PPA2: variants seen among roughly 807,000 people sequenced by gnomAD.
PPA2 encodes inorganic pyrophosphatase 2, mitochondrial.
A neutral mutation model predicts 49.5 loss-of-function variants in PPA2; 48 were observed. The ratio of observed to expected loss-of-function variants is 0.97; its 90% CI spans 0.77 to 1.23. PPA2 has a LOEUF of 1.23. PPA2 is among the 50% of genes most tolerant of loss of function. PPA2 has a pLI of 0.00. For missense variants in PPA2, 429 were observed against 410.1 expected (o/e 1.05, Z -0.40); for synonymous variants, 131 against 139.9 (o/e 0.94, Z 0.45).
intron 4 of PPA2, 69 bp from the exon 5 acceptor site, chr4:105,446,571 C>A: frequency 8.8e-6 from 13 of 1,481,382 alleles, no homozygotes; most frequent in African/African-American, 1.4e-5. Context: ...CCAAATAGTA[C>A]TTTTAAAAAT....
Position 105,449,338 on chromosome 4 carries a change from G to A in PPA2, c.321+12C>T, listed in dbSNP as rs1356156874. On this transcript the variant is annotated intron_variant, in intron 4 of 11. Coordinates refer to ENST00000341695, the MANE Select transcript of PPA2 (RefSeq NM_176869.3). ...ATCATTTCGGTTTCATATTAATAAA[G>A]TATATCGGTACCTCCATTTTAGCAT... 8.7e-6 allele frequency: 13 copies of A among 1,492,764 alleles called. No individual in the cohort carries two copies. Among genetic ancestry groups the A allele is most frequent in the East Asian group, 7.3e-5 (3 of 41,224 alleles). 92.5% of individuals were successfully genotyped at this position (1,492,764 alleles called of 1,614,324 possible).
chr4:105,400,866 GA>G, intron 7 of PPA2, among the ~76,000 whole-genome samples: 1 of 151,992 alleles, frequency 6.6e-6, no homozygotes. Flanking sequence ...CACAAATTAG[GA>G]AAAAAACTGA....
intron 6 of PPA2, among the ~76,000 whole-genome samples, chr4:105,429,152 T>C (rs1454614942): frequency 6.6e-6 from 1 of 152,220 alleles, no homozygotes; most frequent in African/African-American, 2.4e-5. Flanking sequence ...AAACCTTTAA[T>C]TTCATTCTAC....
chr4:105,374,779 T>C (rs115986574), intron 10 of PPA2, among the ~76,000 whole-genome samples: 1 of 152,092 alleles, frequency 6.6e-6, no homozygotes, highest in Non-Finnish European at 1.5e-5. Context: ...AAAAAATAGG[T>C]TCCCAATTTT....
intron 7 of PPA2, among the ~76,000 whole-genome samples, chr4:105,403,385 C>G (rs1272409387): frequency 1.3e-5 from 2 of 152,030 alleles, no homozygotes; most frequent in African/African-American, 4.8e-5. Flanking sequence ...TAAAGAGTGT[C>G]ATAACTTCTG....
chr4:105,438,052 T>C lies in PPA2; in HGVS notation c.442-16A>G, dbSNP rs2713862. The C allele has an allele frequency of 2.3e-5, 34 of 1,499,492 alleles. No individual in the cohort carries two copies. Among genetic ancestry groups the C allele is most frequent in the African/African-American group, 4.2e-5 (3 of 71,482 alleles). 92.9% of individuals were successfully genotyped at this position (1,499,492 alleles called of 1,614,324 possible). ...CTTCCCAAGTCTAAAATTTTTTTTT[T>C]AAAAAAAAGCAGAAATGTAAGTTAA... On this transcript the variant is annotated splice_polypyrimidine_tract_variant and intron_variant, in intron 5 of 11. Coordinates refer to ENST00000341695, the MANE Select transcript of PPA2 (RefSeq NM_176869.3).
intron 1 of PPA2, among the ~76,000 whole-genome samples, chr4:105,459,297 T>C (rs1323218747): frequency 6.6e-6 from 1 of 152,192 alleles, no homozygotes. Flanking sequence ...CTTTCATATA[T>C]TACATCAGAT....
At chr4:105,447,637 A>G (rs562548071) in intron 4 of PPA2, among the ~76,000 whole-genome samples, 2 of 152,246 alleles carry the variant, frequency 1.3e-5, no homozygotes, top group African/African-American at 4.8e-5. Context: ...CCCTATAAAT[A>G]TATACGATTA....
At chr4:105,446,616 T>A (rs1302301226) in intron 4 of PPA2, 114 bp from the exon 5 acceptor site, 12 of 1,254,508 alleles carry the variant, frequency 9.6e-6, no homozygotes, top group Non-Finnish European at 1.3e-5. Context: ...ATATTTCAAC[T>A]TAATGATCAA....
intron 3 of PPA2, among the ~76,000 whole-genome samples, 199 bp downstream of exon 3, chr4:105,453,399 T>C (rs1457268503): frequency 6.6e-6 from 1 of 152,028 alleles, no homozygotes; most frequent in Non-Finnish European, 1.5e-5. Flanking sequence ...GTAAACCTTA[T>C]GTTATGAATA....
chr4:105,402,583 G>C (rs1165796390), intron 7 of PPA2, among the ~76,000 whole-genome samples: 1 of 152,152 alleles, frequency 6.6e-6, no homozygotes, highest in Non-Finnish European at 1.5e-5. Context: ...AAAACAGAAA[G>C]TATTAGGAGA....
At chr4:105,457,943 A>C (rs1447552627) in intron 1 of PPA2, among the ~76,000 whole-genome samples, 2 of 152,188 alleles carry the variant, frequency 1.3e-5, no homozygotes, top group Admixed American at 6.5e-5. Flanking sequence ...CTAATGCTGG[A>C]GCAAAGAATA....
chr4:105,464,204 G>A (rs547247494), intron 1 of PPA2, among the ~76,000 whole-genome samples: 4 of 152,362 alleles, frequency 2.6e-5, no homozygotes, highest in East Asian at 3.9e-4. Flanking sequence ...TGACCTGGGT[G>A]TGAGACACAT....
Position 105,389,381 on chromosome 4 carries a change from G to A in PPA2, c.870-2745C>T, listed in dbSNP as rs75160480. Among the ~76,000 whole-genome samples, 1,476 of 149,474 alleles carry A rather than the reference G, an allele frequency of 9.9e-3. 32 individuals carry two copies. Among genetic ancestry groups the A allele is most frequent in the African/African-American group, 0.034 (1,398 of 40,672 alleles). ...AAACTATTACTACGACCTGCCAGGGGAAAAGCAGTATAATCATTTAAAGGA... is the reference window on the plus strand; with the variant it reads ...AAACTATTACTACGACCTGCCAGGGAAAAAGCAGTATAATCATTTAAAGGA... On this transcript the variant is annotated intron_variant, in intron 9 of 11. Transcript: ENST00000341695.
At chr4:105,454,299 C>CTGTTGT (rs777684225) in intron 2 of PPA2, among the ~76,000 whole-genome samples, 1 of 101,466 alleles carries the variant, frequency 9.9e-6, no homozygotes, top group African/African-American at 5.3e-5. Context: ...GTTTTTGCTG[C>CTGTTGT]TGCTGTTGTT....
chr4:105,455,789 T>A (rs1045044484), intron 2 of PPA2, among the ~76,000 whole-genome samples: 1 of 152,192 alleles, frequency 6.6e-6, no homozygotes, highest in Non-Finnish European at 1.5e-5. Context: ...AGTAGCCTCC[T>A]CAGTTCTTCA....
At chr4:105,460,985 T>C (rs1239090716) in intron 1 of PPA2, among the ~76,000 whole-genome samples, 2 of 151,982 alleles carry the variant, frequency 1.3e-5, no homozygotes, top group Admixed American at 6.5e-5. Context: ...TATTAATAAA[T>C]AAAAATGTAA....
At chr4:105,438,388 T>C (rs116019273) in intron 5 of PPA2, among the ~76,000 whole-genome samples, 2,414 of 152,324 alleles carry the variant, frequency 0.016, 58 homozygotes, top group African/African-American at 0.055. Flanking sequence ...GTGTTTCCGC[T>C]GACTGCCTCA....
chr4:105,394,013 TA>T (rs1185403440), intron 9 of PPA2, among the ~76,000 whole-genome samples: 8 of 152,054 alleles, frequency 5.3e-5, no homozygotes, highest in African/African-American at 1.9e-4. Flanking sequence ...ATTCTTAAAC[TA>T]AAAAAAGTTA....
Sources: allele counts gnomAD v4.1 joint callset (sites outside exome capture counted in the v4.1 genomes callset), GRCh38; gene constraint gnomAD v4.1.1; transcripts MANE v1.5; gene names NCBI Gene and HGNC (gene_info 2026-07-23, HGNC 2026-07-21).